GABRG3: variants seen among roughly 807,000 people sequenced by gnomAD.
The protein encoded by GABRG3 is gamma-aminobutyric acid type A receptor subunit gamma3.
Under a neutral mutation model 48.8 loss-of-function variants are expected in GABRG3, and 25 were observed. The observed-to-expected ratio is 0.51, with a 90% CI of 0.37 to 0.72. The LOEUF (loss-of-function observed/expected upper bound fraction) is 0.72. Among genes scored for constraint, GABRG3 ranks in the 30% least tolerant of loss-of-function variants. The pLI is 0.00. For missense variants in GABRG3, 394 were observed against 577.9 expected, an observed-to-expected ratio of 0.68 and a Z score of 3.26; for synonymous variants, 227 against 217.6, an observed-to-expected ratio of 1.04 and a Z score of -0.38.
intron 3 of GABRG3, among the ~76,000 whole-genome samples, chr15:27,324,406 G>A (rs1893534985): frequency 6.6e-6 from 1 of 152,184 alleles, no homozygotes; most frequent in African/African-American, 2.4e-5. Context: ...GTTCCATGAG[G>A]TGAGGTTTTT....
intron 3 of GABRG3, among the ~76,000 whole-genome samples, chr15:27,174,797 C>G (rs745769047): frequency 1.1e-4 from 16 of 152,148 alleles, no homozygotes; most frequent in Non-Finnish European, 2.1e-4. Context: ...CCTTGGGCAT[C>G]ACATGCTGTC....
intron 3 of GABRG3, among the ~76,000 whole-genome samples, chr15:27,151,129 A>T (rs1898303714): frequency 6.6e-6 from 1 of 152,162 alleles, no homozygotes; most frequent in Non-Finnish European, 1.5e-5. Context: ...CATCTTGCAA[A>T]ACTATACTAC....
intron 5 of GABRG3, among the ~76,000 whole-genome samples, chr15:27,454,456 G>A (rs374912987): frequency 6.6e-6 from 1 of 152,160 alleles, no homozygotes; most frequent in East Asian, 1.9e-4. Context: ...GAAAAACATG[G>A]TAGAAAGGTC....
intron 3 of GABRG3, among the ~76,000 whole-genome samples, chr15:27,042,649 C>T (rs1231710265): frequency 1.3e-5 from 2 of 152,238 alleles, no homozygotes; most frequent in South Asian, 2.1e-4. Flanking sequence ...GCTTCATGCT[C>T]CCTTGGCTTC....
intron 3 of GABRG3, among the ~76,000 whole-genome samples, chr15:27,126,876 T>C (rs1897830509): frequency 6.6e-6 from 1 of 152,092 alleles, no homozygotes; most frequent in African/African-American, 2.4e-5. Context: ...GATGGAGCCC[T>C]GAGTAGGTGG....
chr15:27,029,470 C>T (rs1229605111), intron 3 of GABRG3, among the ~76,000 whole-genome samples: 1 of 152,006 alleles, frequency 6.6e-6, no homozygotes, highest in Admixed American at 6.6e-5. Context: ...TGCACACATG[C>T]ACACACTCGT....
chr15:27,059,687 A>G (rs17137591), intron 3 of GABRG3, among the ~76,000 whole-genome samples: 5,925 of 152,336 alleles, frequency 0.039, 187 homozygotes, highest in Non-Finnish European at 0.064. Flanking sequence ...CTGAGATGGC[A>G]TGAAGGCGAG....
Position 27,350,666 on chromosome 15 carries a change from C to T in GABRG3, c.574+21778C>T, listed in dbSNP as rs1566799590. Among the ~76,000 whole-genome samples the T allele has an allele frequency of 2.0e-5, 3 of 152,110 alleles. No individual in the cohort carries two copies. In the South Asian group the frequency reaches 6.2e-4, roughly 32 times the overall value. ...ACCAGGGCCAGCGCTGGAGGATGGACGGTGCATGATGGGCCCAGGAGAGGG... is the reference window on the plus strand; with the variant it reads ...ACCAGGGCCAGCGCTGGAGGATGGATGGTGCATGATGGGCCCAGGAGAGGG... On this transcript the variant is annotated intron_variant, in intron 5 of 9. Coordinates refer to ENST00000615808, the MANE Select transcript of GABRG3 (RefSeq NM_033223.5).
chr15:27,210,262 CT>C (rs1432828604), intron 3 of GABRG3, among the ~76,000 whole-genome samples: 1 of 152,190 alleles, frequency 6.6e-6, no homozygotes, highest in African/African-American at 2.4e-5. Flanking sequence ...TCCTTTGGAA[CT>C]TTTATCTCCG....
chr15:27,328,923 G>C, intron 5 of GABRG3, 35 bp downstream of exon 5: 1 of 1,532,306 alleles, frequency 6.5e-7, no homozygotes, highest in Non-Finnish European at 9.0e-7. Flanking sequence ...TGTGCATGCT[G>C]TGTGAGGGAT....
chr15:26,982,887 C>T (rs570609353), intron 2 of GABRG3, among the ~76,000 whole-genome samples: 5 of 152,166 alleles, frequency 3.3e-5, no homozygotes, highest in Non-Finnish European at 7.4e-5. Context: ...GTCCCTGGGG[C>T]AGCAGAGGGG....
At chr15:27,455,828 AGTGT>A (rs1254759787) in intron 5 of GABRG3, among the ~76,000 whole-genome samples, 3 of 38,478 alleles carry the variant, frequency 7.8e-5, no homozygotes, top group Admixed American at 4.2e-4. Flanking sequence ...GTGGTTTGTG[AGTGT>A]GTGTGATGTG....
chr15:27,267,846 T>A (rs1262585694), intron 3 of GABRG3, among the ~76,000 whole-genome samples: 1 of 152,222 alleles, frequency 6.6e-6, no homozygotes, highest in East Asian at 1.9e-4. Flanking sequence ...TGAATTACAT[T>A]AATTGATGAG....
chr15:27,466,250 A>G (rs1889606669), intron 5 of GABRG3, among the ~76,000 whole-genome samples: 1 of 152,358 alleles, frequency 6.6e-6, no homozygotes, highest in South Asian at 2.1e-4. Flanking sequence ...AATATTCAGT[A>G]GAATCTACAA....
At chr15:27,033,218 C>T (rs1260619076) in intron 3 of GABRG3, among the ~76,000 whole-genome samples, 1 of 150,482 alleles carries the variant, frequency 6.6e-6, no homozygotes, top group Non-Finnish European at 1.5e-5. Flanking sequence ...ATTACGTGCC[C>T]TGTCAGCAGA....
At chr15:27,499,028 A>C (rs1028007534) in intron 6 of GABRG3, among the ~76,000 whole-genome samples, 1 of 152,166 alleles carries the variant, frequency 6.6e-6, no homozygotes, top group Non-Finnish European at 1.5e-5. Context: ...TCTGCTCATC[A>C]GTACTTTCTC....
At chr15:27,041,105 G>T (rs1336722827) in intron 3 of GABRG3, among the ~76,000 whole-genome samples, 1 of 152,196 alleles carries the variant, frequency 6.6e-6, no homozygotes, top group Non-Finnish European at 1.5e-5. Flanking sequence ...GACAAATTTA[G>T]ATGGTATATG....
intron 5 of GABRG3, among the ~76,000 whole-genome samples, chr15:27,361,856 A>G (rs1895034194): frequency 6.6e-6 from 1 of 152,210 alleles, no homozygotes; most frequent in Admixed American, 6.5e-5. Context: ...TGTAATTCCA[A>G]CATTTCTGAA....
chr15:27,203,265 T>C (rs1277777509), intron 3 of GABRG3, among the ~76,000 whole-genome samples: 2 of 152,176 alleles, frequency 1.3e-5, no homozygotes, highest in Non-Finnish European at 2.9e-5. Flanking sequence ...ACTCGATGTT[T>C]AGCTCCCACT....
Sources: allele counts gnomAD v4.1 joint callset (sites outside exome capture counted in the v4.1 genomes callset), GRCh38; gene constraint gnomAD v4.1.1; transcripts MANE v1.5; gene names NCBI Gene and HGNC (gene_info 2026-07-23, HGNC 2026-07-21).